COPZ2: variants seen among roughly 807,000 people sequenced by gnomAD.
COPZ2 encodes the protein coat protein complex I subunit zeta 2.
Under a neutral mutation model 33.2 loss-of-function variants are expected in COPZ2, and 30 were observed. The ratio of observed to expected loss-of-function variants is 0.90; its 90% CI spans 0.68 to 1.23. The LOEUF is 1.23. Ranked by LOEUF, COPZ2 falls within the 50% of genes most tolerant of loss-of-function variation. The probability of loss-of-function intolerance (pLI) is 0.00; values close to 1 mark genes in which losing one functional copy is unlikely to be tolerated. For synonymous variants in COPZ2, 89 were observed against 102.6 expected (o/e 0.87, Z 0.80); for missense variants, 263 against 262.4 (o/e 1.00, Z -0.02).
chr17:48,045,043 A>T, the COPZ2 span: 1 of 151,904 alleles, frequency 6.6e-6, no homozygotes, highest in South Asian at 2.1e-4. Flanking sequence ...TGCACCCTCA[A>T]CCTCCCCAGG....
rs1480179430 is a variant in COPZ2 at position 48,028,538 on chromosome 17, G to A, written c.547-28C>T. 12 of 1,601,036 alleles carry A rather than the reference G, an allele frequency of 7.5e-6. No individual in the cohort carries two copies. In the South Asian group the frequency reaches 9.0e-5, roughly 12 times the overall value. On this transcript the variant is annotated intron_variant, in intron 7 of 8. Transcript: ENST00000621465. The surrounding 1 kb of genome is among the most constrained non-coding windows in gnomAD (Gnocchi z 4.5). ...GTAAGGAAGCAGAGTCAAGGGGTGG[G>A]GTAGGGCCAGCATGAGGGTCCTGGG...
upstream of COPZ2, among the ~76,000 whole-genome samples, chr17:48,042,451 A>C (rs2037071534): frequency 6.9e-6 from 1 of 144,474 alleles, no homozygotes; most frequent in African/African-American, 2.6e-5. Flanking sequence ...TCCTCTTCTT[A>C]AAATCTCTTT....
At chr17:48,031,008 C>G (rs887645931) in intron 6 of COPZ2, among the ~76,000 whole-genome samples, 2 of 152,198 alleles carry the variant, frequency 1.3e-5, no homozygotes, top group Non-Finnish European at 2.9e-5. Context: ...ACAGCATGGC[C>G]TCTGGAACTA....
Position 48,037,220 on chromosome 17 carries a change from TATC to T in COPZ2, c.112-298_112-296del. ...CTGCTCCAGAGCCCGAGTCGGAGTG[TATC>T]ACAGAACCTGGGCCGGGGGGGACAG... On this transcript the variant is annotated intron_variant, in intron 1 of 8. Transcript: ENST00000621465. This position sits in a 1 kb window ranked among gnomAD's most constrained non-coding sequence, Gnocchi z 5.6. 1.6e-6 allele frequency: 1 copy of T among 639,754 alleles called. No individual in the cohort carries two copies. The highest frequency in any genetic ancestry group is 3.0e-6 in the Non-Finnish European group (1 of 334,874). 39.6% of individuals were successfully genotyped at this position (639,754 alleles called of 1,614,324 possible). A position where few individuals can be genotyped will look rare whatever the true frequency, so the allele number is the denominator to read the frequency against.
rs549655978 is a variant in COPZ2 at position 48,026,949 on chromosome 17, C to T, written c.586-474G>A. 1.7e-4 allele frequency among the ~76,000 whole-genome samples: 26 copies of T among 152,382 alleles called. No homozygotes were observed. The East Asian group carries it at 4.8e-3, about 28-fold the overall frequency. On this transcript the variant is annotated intron_variant, in intron 8 of 8. Transcript: ENST00000621465. ...GCAAAGGGTGGCCAGCCAGACCCTG[C>T]GGTGGGATGCCTGGTGGAAAGTCTC... is the stretch of plus-strand genomic sequence containing the variant.
At chr17:48,038,971 T>G (rs2037033357), upstream of COPZ2, among the ~76,000 whole-genome samples, 6 of 152,224 alleles carry the variant, frequency 3.9e-5, no homozygotes, top group South Asian at 1.2e-3. Context: ...CTAAATATTA[T>G]TTTTACTAAT....
chr17:48,035,022 C>T (rs1402654047), intron 2 of COPZ2, among the ~76,000 whole-genome samples: 1 of 152,172 alleles, frequency 6.6e-6, no homozygotes, highest in Non-Finnish European at 1.5e-5. Flanking sequence ...CCCAACATCT[C>T]ACAGTTGTGA....
intron 3 of COPZ2, 133 bp from the exon 4 acceptor site, chr17:48,033,435 T>C (rs2036929609): frequency 1.5e-6 from 1 of 652,862 alleles, no homozygotes; most frequent in Non-Finnish European, 2.8e-6. Context: ...AGACCAGCAC[T>C]AGGGACACTA....
intron 6 of COPZ2, chr17:48,029,405 T>C (rs898413103): frequency 1.7e-6 from 1 of 604,214 alleles, no homozygotes; most frequent in Middle Eastern, 4.3e-4. Flanking sequence ...TTGTCATCCC[T>C]GGGCAAAATC....
rs969457802 is a variant in COPZ2, at chr17:48,037,205, G to A, written c.112-280C>T. The A allele has an allele frequency of 1.5e-6, 1 of 673,812 alleles. No homozygotes were observed. Among genetic ancestry groups the A allele is most frequent in the Non-Finnish European group, 2.8e-6 (1 of 354,906 alleles). The allele number at this position is 673,812 out of a possible 1,614,324, so 41.7% of individuals were successfully genotyped here. A position where few individuals can be genotyped will look rare whatever the true frequency, so the allele number is the denominator to read the frequency against. ...TCTGTCATGCACTGACTGCTCCAGAGCCCGAGTCGGAGTGTATCACAGAAC... is the reference window on the plus strand; with the variant it reads ...TCTGTCATGCACTGACTGCTCCAGAACCCGAGTCGGAGTGTATCACAGAAC... On this transcript the variant is annotated intron_variant, in intron 1 of 8. Transcript: ENST00000621465. This position sits in a 1 kb window ranked among gnomAD's most constrained non-coding sequence, Gnocchi z 5.6.
chr17:48,031,077 G>A (rs1009684588), intron 6 of COPZ2, among the ~76,000 whole-genome samples: 4 of 152,264 alleles, frequency 2.6e-5, no homozygotes, highest in African/African-American at 9.6e-5. Context: ...GACCTCCGGC[G>A]TGTCACTTGA....
intron 6 of COPZ2, chr17:48,031,790 C>T (rs947292462): frequency 3.4e-6 from 1 of 293,982 alleles, no homozygotes. Flanking sequence ...AAGAGCAGGA[C>T]ATGTGGGGCT....
rs763181978 is a variant in COPZ2 at position 48,037,763 on chromosome 17, C to T, written c.15G>A (p.Glu5=). The change falls in exon 1 of 9, where the codon GAG becomes GAA. Residue 5 remains glutamate (E), a synonymous_variant. Coordinates refer to ENST00000621465, the MANE Select transcript of COPZ2 (RefSeq NM_016429.4). The surrounding 1 kb of genome is among the most constrained non-coding windows in gnomAD (Gnocchi z 5.6). ...CCCCCGGGTGCGGACGTGGCCAGGC[C>T]TCGGGCCGCTGCATTCCGCTCGCCG... MQRP[E]AWPRPHPGEG... 1.9e-6 allele frequency: 2 copies of T among 1,031,602 alleles called. No homozygotes were observed. Among genetic ancestry groups the T allele is most frequent in the Non-Finnish European group, 1.2e-6 (1 of 862,066 alleles). The allele number at this position is 1,031,602 out of a possible 1,614,324, so 63.9% of individuals were successfully genotyped here.
chr17:48,041,246 C>T (rs2037059409), upstream of COPZ2, among the ~76,000 whole-genome samples: 1 of 150,892 alleles, frequency 6.6e-6, no homozygotes, highest in Non-Finnish European at 1.5e-5. Flanking sequence ...CACTGGGACA[C>T]AATAGTAGAC....
Position 48,028,259 on chromosome 17 carries a change from C to T in COPZ2, c.585+213G>A, listed in dbSNP as rs2036843348. On this transcript the variant is annotated intron_variant, in intron 8 of 8. Coordinates refer to ENST00000621465, the MANE Select transcript of COPZ2 (RefSeq NM_016429.4). The surrounding 1 kb of genome is among the most constrained non-coding windows in gnomAD (Gnocchi z 4.5). ...GGCTGATGGTAACATGCCCATCCATCCATTAGTACCCAGCTCCCCTGAGTT... is the reference window on the plus strand; with the variant it reads ...GGCTGATGGTAACATGCCCATCCATTCATTAGTACCCAGCTCCCCTGAGTT... Among the ~76,000 whole-genome samples the T allele has an allele frequency of 6.6e-6, 1 of 152,164 alleles. No individual in the cohort carries two copies. The highest frequency in any genetic ancestry group is 6.5e-5 in the Admixed American group (1 of 15,280).
At chr17:48,044,533 G>A in the COPZ2 span, among the ~76,000 whole-genome samples, 1 of 151,052 alleles carries the variant, frequency 6.6e-6, no homozygotes, top group East Asian at 1.9e-4. Context: ...TTCTGCTCTG[G>A]GCAGCTGTTT....
chr17:48,027,311 C>T (rs1417783744), intron 8 of COPZ2, among the ~76,000 whole-genome samples: 1 of 152,214 alleles, frequency 6.6e-6, no homozygotes, highest in Non-Finnish European at 1.5e-5. Flanking sequence ...TGGAGAAATA[C>T]TGATGGTTAT....
intron 6 of COPZ2, 179 bp downstream of exon 6, chr17:48,031,977 C>A (rs1016359968): frequency 3.2e-6 from 2 of 618,334 alleles, no homozygotes; most frequent in Non-Finnish European, 5.8e-6. Context: ...AAATCAACTT[C>A]TATCTTCATG....
At chr17:48,044,403 C>CTT in the COPZ2 span, among the ~76,000 whole-genome samples, 9,107 of 101,274 alleles carry the variant, frequency 0.09, 666 homozygotes, top group African/African-American at 0.14. Flanking sequence ...CAATCTTTTG[C>CTT]TTTTTTTTTT....
Sources: gnomAD v4.1 joint callset for allele counts (sites outside exome capture counted in the v4.1 genomes callset) on GRCh38, gnomAD v4.1.1 for gene constraint, Gnocchi (gnomAD v3.1) non-coding constraint, MANE v1.5 for transcripts, NCBI Gene and HGNC (gene_info 2026-07-23, HGNC 2026-07-21) for gene names.